RAB8B: variants seen among roughly 807,000 people sequenced by gnomAD.
RAB8B encodes the protein RAB8B, member RAS oncogene family.
RAB8B carries 11 observed loss-of-function variants against 32.0 expected under a neutral mutation model. The ratio of observed to expected loss-of-function variants is 0.34; its 90% confidence interval spans 0.22 to 0.57. The LOEUF is 0.57. Ranked by LOEUF, RAB8B falls within the 20% of genes least tolerant of loss-of-function variation. The probability of loss-of-function intolerance (pLI) is 0.86; values close to 1 mark genes in which losing one functional copy is unlikely to be tolerated. For missense variants in RAB8B, 190 were observed against 258.5 expected (o/e 0.73, Z 1.82); for synonymous variants, 103 against 89.6 (o/e 1.15, Z -0.85).
chr15:63,236,429 T>C lies in RAB8B; in HGVS notation c.125-8327T>C, dbSNP rs192929268. On this transcript the variant is annotated intron_variant, in intron 1 of 7. Coordinates refer to ENST00000321437, the MANE Select transcript of RAB8B (RefSeq NM_016530.3). The stretch of plus-strand genomic sequence containing the variant: ...GCAACATGGAAATACCTTTGGAATC[T>C]TGCCTTCTAAACTCAGATGTTGGAT... Among the ~76,000 whole-genome samples, 102 of 152,310 alleles carry C rather than the reference T, an allele frequency of 6.7e-4. 1 individual carries two copies. Among genetic ancestry groups the C allele is most frequent in the African/African-American group, 2.4e-3 (100 of 41,564 alleles).
chr15:63,258,032 C>T (rs1386066068), intron 5 of RAB8B, among the ~76,000 whole-genome samples: 1 of 150,244 alleles, frequency 6.7e-6, no homozygotes, highest in East Asian at 2.0e-4. Context: ...CACTGTACTC[C>T]TCCAGCCTGG....
chr15:63,220,643 A>T (rs1406056400), intron 1 of RAB8B, among the ~76,000 whole-genome samples: 3 of 152,240 alleles, frequency 2.0e-5, no homozygotes, highest in Non-Finnish European at 2.9e-5. Context: ...TTACCCAAAT[A>T]TGTAACTTAA....
intron 1 of RAB8B, among the ~76,000 whole-genome samples, chr15:63,229,486 C>G (rs966599810): frequency 2.0e-5 from 3 of 152,006 alleles, no homozygotes; most frequent in African/African-American, 7.2e-5. Flanking sequence ...TAATGTATTT[C>G]TCCAGTATTT....
chr15:63,195,776 G>A (rs1268811575), intron 1 of RAB8B, among the ~76,000 whole-genome samples: 1 of 152,222 alleles, frequency 6.6e-6, no homozygotes, highest in Admixed American at 6.5e-5. Flanking sequence ...AGTTTTCATA[G>A]CATGAGAAGA....
intron 5 of RAB8B, among the ~76,000 whole-genome samples, chr15:63,257,916 G>C (rs888775549): frequency 6.6e-6 from 1 of 151,256 alleles, no homozygotes; most frequent in Non-Finnish European, 1.5e-5. Flanking sequence ...AAAATTAGCC[G>C]GGCATGGTGG....
chr15:63,255,079 G>C (rs2038148553), intron 3 of RAB8B, among the ~76,000 whole-genome samples: 1 of 152,124 alleles, frequency 6.6e-6, no homozygotes, highest in Admixed American at 6.5e-5. Context: ...AAAGCAGTGT[G>C]GTCTCAATCT....
chr15:63,232,483 A>G (rs1272397397), intron 1 of RAB8B, among the ~76,000 whole-genome samples: 4 of 152,234 alleles, frequency 2.6e-5, no homozygotes, highest in South Asian at 4.1e-4. Flanking sequence ...TTATGGGTAC[A>G]GCTGTCATAT....
chr15:63,242,163 T>G (rs1442634408), intron 1 of RAB8B, among the ~76,000 whole-genome samples: 1 of 151,708 alleles, frequency 6.6e-6, no homozygotes, highest in Non-Finnish European at 1.5e-5. Context: ...GGTGTTCTGC[T>G]AAATTAGCTT....
intron 6 of RAB8B, among the ~76,000 whole-genome samples, chr15:63,262,295 A>T (rs1436523584): frequency 6.6e-6 from 1 of 152,166 alleles, no homozygotes; most frequent in Non-Finnish European, 1.5e-5. Context: ...TTGTGATATT[A>T]TATCACATGA....
chr15:63,202,089 TAAAAAAAAAA>T (rs146981058), intron 1 of RAB8B, among the ~76,000 whole-genome samples: 1 of 85,774 alleles, frequency 1.2e-5, no homozygotes, highest in Non-Finnish European at 2.2e-5. Flanking sequence ...CCGTCTCTAC[TAAAAAAAAAA>T]AAAAAAAAAA....
At chr15:63,230,174 C>A (rs2037924206) in intron 1 of RAB8B, among the ~76,000 whole-genome samples, 1 of 152,156 alleles carries the variant, frequency 6.6e-6, no homozygotes, top group Non-Finnish European at 1.5e-5. Context: ...GCTGTAAGTG[C>A]TGCTTAATTT....
chr15:63,239,978 G>A (rs940819353), intron 1 of RAB8B, among the ~76,000 whole-genome samples: 2 of 152,114 alleles, frequency 1.3e-5, no homozygotes, highest in Non-Finnish European at 2.9e-5. Context: ...TACATGGGTG[G>A]AATGGCATCC....
intron 6 of RAB8B, among the ~76,000 whole-genome samples, chr15:63,260,596 GA>G (rs2038194724): frequency 6.6e-6 from 1 of 151,986 alleles, no homozygotes; most frequent in Admixed American, 6.5e-5. Flanking sequence ...ATGACTGGTT[GA>G]TGGTTGCAGA....
Position 63,228,720 on chromosome 15 carries a change from C to T in RAB8B, c.125-16036C>T, listed in dbSNP as rs190651402. ...AGTGTGTGAATTAGTTGTTTGGTGC[C>T]CTTTTTTTGTGCTTTTTTTCCCATA... On this transcript the variant is annotated intron_variant, in intron 1 of 7. Coordinates refer to ENST00000321437, the MANE Select transcript of RAB8B (RefSeq NM_016530.3). Among the ~76,000 whole-genome samples the T allele has an allele frequency of 7.9e-5, 12 of 152,288 alleles. No homozygotes were observed. In the South Asian group the frequency reaches 1.5e-3, roughly 18 times the overall value.
intron 1 of RAB8B, among the ~76,000 whole-genome samples, chr15:63,209,711 G>A (rs747353834): frequency 8.5e-5 from 13 of 152,050 alleles, no homozygotes; most frequent in Non-Finnish European, 1.9e-4. Flanking sequence ...TAGAATTATA[G>A]TTGCTTACTG....
At chr15:63,213,302 AG>A (rs1209424298) in intron 1 of RAB8B, among the ~76,000 whole-genome samples, 1 of 151,894 alleles carries the variant, frequency 6.6e-6, no homozygotes, top group South Asian at 2.1e-4. Flanking sequence ...ATATGTTTGG[AG>A]GGGGACGTGG....
intron 1 of RAB8B, among the ~76,000 whole-genome samples, chr15:63,196,927 A>G (rs1382820138): frequency 6.6e-6 from 1 of 152,176 alleles, no homozygotes; most frequent in Non-Finnish European, 1.5e-5. Context: ...CAAATAGAAA[A>G]TGAGTGAAAT....
chr15:63,244,124 G>A (rs2152576590), intron 1 of RAB8B, among the ~76,000 whole-genome samples: 1 of 152,266 alleles, frequency 6.6e-6, no homozygotes, highest in African/African-American at 2.4e-5. Context: ...AGTTTTGGAG[G>A]GGACTTTCAG....
intron 1 of RAB8B, among the ~76,000 whole-genome samples, chr15:63,243,071 C>T (rs2141135271): frequency 6.6e-6 from 1 of 152,350 alleles, no homozygotes; most frequent in African/African-American, 2.4e-5. Flanking sequence ...GATCATCAGG[C>T]ATTAGATTCT....
Sources: allele counts gnomAD v4.1 joint callset (sites outside exome capture counted in the v4.1 genomes callset), GRCh38; gene constraint gnomAD v4.1.1; transcripts MANE v1.5; gene names NCBI Gene and HGNC (gene_info 2026-07-23, HGNC 2026-07-21).